The following CMSS1 variants were observed in gnomAD, a reference collection of about 807,000 sequenced individuals.
The protein encoded by CMSS1 is cms1 ribosomal small subunit homolog.
A neutral mutation model predicts 43.5 loss-of-function variants in CMSS1; 33 were observed. That is an observed-to-expected ratio of 0.76 (90% CI 0.57 to 1.01). The LOEUF (loss-of-function observed/expected upper bound fraction) is 1.01. CMSS1 is among the 50% of genes least tolerant of loss of function. CMSS1 has a pLI of 0.00. For missense variants in CMSS1, 313 were observed against 326.4 expected, an observed-to-expected ratio of 0.96 and a Z score of 0.32; for synonymous variants, 115 against 117.2, an observed-to-expected ratio of 0.98 and a Z score of 0.12.
intron 1 of CMSS1, among the ~76,000 whole-genome samples, chr3:99,870,317 T>G (rs1944726587): frequency 6.6e-6 from 1 of 152,218 alleles, no homozygotes; most frequent in Admixed American, 6.5e-5. Context: ...CTAACATTTA[T>G]CCCTGTCAAT....
chr3:100,011,056 T>C (rs770279747), intron 1 of CMSS1, among the ~76,000 whole-genome samples: 17 of 152,128 alleles, frequency 1.1e-4, no homozygotes, highest in Non-Finnish European at 2.2e-4. Flanking sequence ...GGTGCAAGGA[T>C]GGTACCAGGG....
At chr3:99,971,197 G>A (rs759197813) in intron 1 of CMSS1, among the ~76,000 whole-genome samples, 4 of 152,030 alleles carry the variant, frequency 2.6e-5, no homozygotes, top group Non-Finnish European at 4.4e-5. Context: ...ATAATTAGCC[G>A]GGCCTGGTGG....
intron 1 of CMSS1, chr3:99,851,143 T>G (rs1225262325): frequency 2.5e-6 from 3 of 1,198,946 alleles, no homozygotes; most frequent in Non-Finnish European, 3.4e-6. Flanking sequence ...TAAATATATA[T>G]GTAATTTAGA....
chr3:99,883,009 T>C (rs765674802), intron 1 of CMSS1, among the ~76,000 whole-genome samples: 7 of 149,178 alleles, frequency 4.7e-5, no homozygotes, highest in Non-Finnish European at 3.0e-5. Context: ...TGCTTGCCAA[T>C]TGGGGGTTCT....
intron 1 of CMSS1, among the ~76,000 whole-genome samples, chr3:99,991,994 G>A (rs529185236): frequency 5.0e-4 from 72 of 145,384 alleles, no homozygotes; most frequent in African/African-American, 1.6e-3. Flanking sequence ...GTATATATAC[G>A]TATATATATG....
intron 1 of CMSS1, among the ~76,000 whole-genome samples, chr3:99,875,368 A>G (rs955937400): frequency 6.6e-6 from 1 of 152,216 alleles, no homozygotes; most frequent in Non-Finnish European, 1.5e-5. Context: ...CATTTTTTAC[A>G]TAATATACTA....
chr3:99,988,227 G>A (rs1249885702), intron 1 of CMSS1, among the ~76,000 whole-genome samples: 7 of 151,352 alleles, frequency 4.6e-5, no homozygotes, highest in African/African-American at 1.7e-4. Context: ...GCCGGGCGCA[G>A]TGCCTCACGC....
At chr3:99,872,118 C>T (rs1403762982) in intron 1 of CMSS1, among the ~76,000 whole-genome samples, 1 of 152,104 alleles carries the variant, frequency 6.6e-6, no homozygotes, top group African/African-American at 2.4e-5. Context: ...CCCAAGAATG[C>T]AGGGGGCCCT....
At chr3:100,058,013 GTT>G (rs1202193518) in intron 1 of CMSS1, among the ~76,000 whole-genome samples, 2 of 152,198 alleles carry the variant, frequency 1.3e-5, no homozygotes, top group Non-Finnish European at 2.9e-5. Flanking sequence ...TATGCTAAGT[GTT>G]TGTGTCCATT....
At chr3:100,172,131 T>C in intron 7 of CMSS1, 185 bp from the exon 8 acceptor site, 1 of 646,222 alleles carries the variant, frequency 1.5e-6, no homozygotes, top group Non-Finnish European at 2.7e-6. Context: ...CTTGACCCTT[T>C]GATTCCTTGA....
At chr3:100,175,331 T>C (rs570366659) in intron 8 of CMSS1, among the ~76,000 whole-genome samples, 2 of 152,182 alleles carry the variant, frequency 1.3e-5, no homozygotes, top group Non-Finnish European at 2.9e-5. Context: ...TTTGGGATGC[T>C]GAGATGGGCA....
At chr3:99,951,030 G>T (rs1380694656) in intron 1 of CMSS1, among the ~76,000 whole-genome samples, 1 of 152,166 alleles carries the variant, frequency 6.6e-6, no homozygotes, top group African/African-American at 2.4e-5. Flanking sequence ...TTCACCTCAT[G>T]CCCCTCCCTT....
Position 100,179,149 on chromosome 3 carries a change from C to G in CMSS1, c.*761C>G, listed in dbSNP as rs901244087. ...TCCCTATGATCCAGTCACCTTCCAC[C>G]AGGTCCCTCCCCCAACATTGGGAAT... is the stretch of plus-strand genomic sequence containing the variant. On this transcript the variant is annotated 3_prime_UTR_variant, in exon 10 of 10. Coordinates refer to ENST00000421999, the MANE Select transcript of CMSS1 (RefSeq NM_032359.4). 6.6e-6 allele frequency: 1 copy of G among 152,218 alleles called. No homozygotes were observed. Among genetic ancestry groups the G allele is most frequent in the Non-Finnish European group, 1.5e-5 (1 of 68,060 alleles). The allele number at this position is 152,218 out of a possible 1,614,324, so 9.4% of individuals were successfully genotyped here.
intron 1 of CMSS1, among the ~76,000 whole-genome samples, chr3:99,874,923 G>A (rs1705434753): frequency 6.6e-6 from 1 of 152,098 alleles, no homozygotes; most frequent in Non-Finnish European, 1.5e-5. Flanking sequence ...TCATTTTAGT[G>A]CCAACTAAAA....
intron 1 of CMSS1, among the ~76,000 whole-genome samples, chr3:99,834,801 C>G (rs760122826): frequency 1.3e-5 from 2 of 152,282 alleles, no homozygotes; most frequent in Admixed American, 1.3e-4. Context: ...AGTCTTGGGT[C>G]TTCATTCTAG....
chr3:100,043,022 T>C (rs966047452), intron 1 of CMSS1, among the ~76,000 whole-genome samples: 2 of 152,240 alleles, frequency 1.3e-5, no homozygotes, highest in Non-Finnish European at 2.9e-5. Flanking sequence ...CCTGTGCTGG[T>C]CACAGCCTTC....
chr3:100,029,013 A>T (rs1434617015), intron 1 of CMSS1, among the ~76,000 whole-genome samples: 1 of 152,048 alleles, frequency 6.6e-6, no homozygotes, highest in East Asian at 1.9e-4. Flanking sequence ...AACTCAATTC[A>T]ATTATTTTTC....
At chr3:99,969,289 A>G (rs562982770) in intron 1 of CMSS1, among the ~76,000 whole-genome samples, 1 of 152,214 alleles carries the variant, frequency 6.6e-6, no homozygotes, top group Non-Finnish European at 1.5e-5. Context: ...GCAGAGAAGG[A>G]TGTAGCCTTG....
chr3:99,889,314 C>T (rs1576550149), intron 1 of CMSS1, among the ~76,000 whole-genome samples: 1 of 152,024 alleles, frequency 6.6e-6, no homozygotes, highest in African/African-American at 2.4e-5. Context: ...GAAATGGAAT[C>T]TCTTCATATT....
Sources: allele counts gnomAD v4.1 joint callset (sites outside exome capture counted in the v4.1 genomes callset), GRCh38; gene constraint gnomAD v4.1.1; transcripts MANE v1.5; gene names NCBI Gene and HGNC (gene_info 2026-07-23, HGNC 2026-07-21).